The following PLCG1 variants were observed in gnomAD, a reference collection of about 807,000 sequenced individuals.
PLCG1 encodes the protein phospholipase C gamma 1.
In PLCG1, 71 loss-of-function variants were observed where a neutral mutation model predicts 177.8. The observed-to-expected ratio is 0.40, with a 90% CI of 0.33 to 0.49. PLCG1 has a LOEUF of 0.49. Among genes scored for constraint, PLCG1 ranks in the 20% least tolerant of loss-of-function variants. The pLI is 0.72. For synonymous variants in PLCG1, 658 were observed against 647.9 expected (o/e 1.02, Z -0.24); for missense variants, 1,281 against 1,709.0 (o/e 0.75, Z 4.42).
In PLCG1 at chr20:41,144,266, A is replaced by G. The variant is rs1222747318; in HGVS notation, c.217+6408A>G. Among the ~76,000 whole-genome samples, 1 of 152,212 alleles carries G rather than the reference A, an allele frequency of 6.6e-6. No individual in the cohort carries two copies. The highest frequency in any genetic ancestry group is 2.4e-5 in the African/African-American group (1 of 41,464). On this transcript the variant is annotated intron_variant, in intron 1 of 31. Coordinates refer to ENST00000685551, the MANE Select transcript of PLCG1 (RefSeq NM_002660.3). This position sits in a 1 kb window ranked among gnomAD's most constrained non-coding sequence, Gnocchi z 4.1. ...GATCCTAGGATTTCAGATTCCTGCT[A>G]TAGTATTCAGTTTATTCTCCCATTC...
At chr20:41,168,519 A>G (rs898619245) in intron 20 of PLCG1, among the ~76,000 whole-genome samples, 2 of 152,182 alleles carry the variant, frequency 1.3e-5, no homozygotes, top group African/African-American at 4.8e-5. Context: ...GTGGGGCTTA[A>G]GGTTCCACCT....
At position 41,148,488 on chromosome 20, in the gene PLCG1, G is replaced by A. The variant is rs2035064645; in HGVS notation, c.217+10630G>A. ...GAGAGGGCTCTGCAGAGACAGGGCA[G>A]CAGAGAGAGACTTGGAGATATGCTG... On this transcript the variant is annotated intron_variant, in intron 1 of 31. Coordinates refer to ENST00000685551, the MANE Select transcript of PLCG1 (RefSeq NM_002660.3). This position sits in a 1 kb window ranked among gnomAD's most constrained non-coding sequence, Gnocchi z 4.3. Among the ~76,000 whole-genome samples, 2 of 152,132 alleles carry A rather than the reference G, an allele frequency of 1.3e-5. No homozygotes were observed. The highest frequency in any genetic ancestry group is 4.8e-5 in the African/African-American group (2 of 41,416).
rs1461856096 is a variant in PLCG1 at position 41,150,457 on chromosome 20, C to T, written c.218-9149C>T. 1.3e-5 allele frequency among the ~76,000 whole-genome samples: 2 copies of T among 152,164 alleles called. No individual in the cohort carries two copies. The highest frequency in any genetic ancestry group is 2.9e-5 in the Non-Finnish European group (2 of 68,010). On this transcript the variant is annotated intron_variant, in intron 1 of 31. Coordinates refer to ENST00000685551, the MANE Select transcript of PLCG1 (RefSeq NM_002660.3). The surrounding 1 kb of genome is among the most constrained non-coding windows in gnomAD (Gnocchi z 4.0). ...CCCTGGTGGGTCCCCAGTCTCTCTC[C>T]TGTAGCTAGGAGCCTGGCATACACA...
In PLCG1 at chr20:41,164,756, C is replaced by T. The variant is rs2035625144; in HGVS notation, c.1218-177C>T. On this transcript the variant is annotated intron_variant, in intron 12 of 31. Transcript: ENST00000685551. The surrounding 1 kb of genome is among the most constrained non-coding windows in gnomAD (Gnocchi z 6.4). ...GCCACCCTTTGGTTTCCACTGCTGC[C>T]ACAGCTGTAGAACCCCTCTCTGCCC... Among the ~76,000 whole-genome samples, 1 of 152,168 alleles carries T rather than the reference C, an allele frequency of 6.6e-6. No individual in the cohort carries two copies. Among genetic ancestry groups the T allele is most frequent in the African/African-American group, 2.4e-5 (1 of 41,426 alleles).
rs1278742202 is a variant in PLCG1 at position 41,163,793 on chromosome 20, A to G, written c.970A>G (p.Asn324Asp). ...TGCAGTATGCCCGGACACCATGAAC[A>G]ACCCTCTTTCCCACTACTGGATCTC... ...LDAVCPDTMNNPLSHYWISSS... is the reference protein window; with the variant it reads ...LDAVCPDTMNDPLSHYWISSS... The change falls in exon 10 of 32, where the codon AAC (asparagine) becomes GAC (aspartate). Residue 324 changes from asparagine to aspartate, a missense_variant. By Grantham distance (23) the Asn-to-Asp change is conservative. This residue lies in a region of PLCG1 where 374 missense variants were observed against 443.8 expected (regional missense o/e 0.84). Coordinates refer to ENST00000685551, the MANE Select transcript of PLCG1 (RefSeq NM_002660.3). This position sits in a 1 kb window ranked among gnomAD's most constrained non-coding sequence, Gnocchi z 5.2. 1 of 1,613,880 alleles carries G rather than the reference A, an allele frequency of 6.2e-7. No homozygotes were observed. Among genetic ancestry groups the G allele is most frequent in the South Asian group, 1.1e-5 (1 of 91,078 alleles).
At position 41,175,159 on chromosome 20, in the gene PLCG1, C is replaced by T. The variant is rs949650252; in HGVS notation, c.*650C>T. 2 of 152,814 alleles carry T rather than the reference C, an allele frequency of 1.3e-5. No individual in the cohort carries two copies. The highest frequency in any genetic ancestry group is 2.9e-5 in the Non-Finnish European group (2 of 68,208). 9.5% of individuals were successfully genotyped at this position (152,814 alleles called of 1,614,324 possible). A position where few individuals can be genotyped will look rare whatever the true frequency, so the allele number is the denominator to read the frequency against. ...TAAAAATAGCAGTATTATTTTTCGT[C>T]TCAATGGTATTGTAACTAAGTTATT... is the stretch of plus-strand genomic sequence containing the variant. On this transcript the variant is annotated 3_prime_UTR_variant, in exon 32 of 32. Coordinates refer to ENST00000685551, the MANE Select transcript of PLCG1 (RefSeq NM_002660.3).
Position 41,165,033 on chromosome 20 carries a change from A to G in PLCG1, c.1318A>G (p.Lys440Glu). Residue 440 changes from lysine (K) to glutamate (E), a missense_variant, in exon 13 of 32, where the codon AAG becomes GAG. Physicochemically the swap from Lys to Glu is moderately conservative, Grantham distance 56 (BLOSUM62 1). Coordinates refer to ENST00000685551, the MANE Select transcript of PLCG1 (RefSeq NM_002660.3). The surrounding 1 kb of genome is among the most constrained non-coding windows in gnomAD (Gnocchi z 6.6). ...GGTGCTGGGGGACACACTCCTCACCAAGCCCGTGGAGATCTCTGCCGACGG... is the reference window on the plus strand; with the variant it reads ...GGTGCTGGGGGACACACTCCTCACCGAGCCCGTGGAGATCTCTGCCGACGG... ...KKVLGDTLLT[K>E]PVEISADGLP... 1 of 1,614,156 alleles carries G rather than the reference A, an allele frequency of 6.2e-7. No homozygotes were observed. The highest frequency in any genetic ancestry group is 2.2e-5 in the East Asian group (1 of 44,884).
At chr20:41,169,399 C>G in intron 22 of PLCG1, 58 bp from the exon 23 acceptor site, 1 of 1,302,788 alleles carries the variant, frequency 7.7e-7, no homozygotes, top group Non-Finnish European at 1.1e-6. Flanking sequence ...ACACGGATAT[C>G]CCCTCACACA....
In PLCG1 at chr20:41,164,326, T is replaced by G. The variant is rs2035611103; in HGVS notation, c.1217+125T>G. On this transcript the variant is annotated intron_variant, in intron 12 of 31. Coordinates refer to ENST00000685551, the MANE Select transcript of PLCG1 (RefSeq NM_002660.3). The surrounding 1 kb of genome is among the most constrained non-coding windows in gnomAD (Gnocchi z 6.4). ...CTCCCTCAGCCTTTCATCTTTGTCC[T>G]TCCTCTTGGCCTCTCCTCGTCACCT... 2.0e-6 allele frequency: 2 copies of G among 982,020 alleles called. No individual in the cohort carries two copies. Among genetic ancestry groups the G allele is most frequent in the Non-Finnish European group, 3.1e-6 (2 of 650,794 alleles). The allele number at this position is 982,020 out of a possible 1,614,324, so 60.8% of individuals were successfully genotyped here.
intron 1 of PLCG1, among the ~76,000 whole-genome samples, chr20:41,149,803 A>G (rs917510660): frequency 2.0e-5 from 3 of 152,210 alleles, no homozygotes; most frequent in Non-Finnish European, 2.9e-5. Flanking sequence ...AAACCAGGCA[A>G]GGTTGTGCAG....
Position 41,173,867 on chromosome 20 carries a change from C to G in PLCG1, c.3556+54C>G. The G allele has an allele frequency of 6.2e-7, 1 of 1,610,518 alleles. No homozygotes were observed. ...CTGCAATCTTGCTGGCAGGGTGGGG[C>G]TGGGCCCCTTGCTCTGTCCCTCGTG... On this transcript the variant is annotated intron_variant, in intron 29 of 31. Transcript: ENST00000685551. The surrounding 1 kb of genome is among the most constrained non-coding windows in gnomAD (Gnocchi z 6.2).
intron 1 of PLCG1, among the ~76,000 whole-genome samples, chr20:41,154,473 G>A (rs926702851): frequency 3.3e-5 from 5 of 152,214 alleles, no homozygotes; most frequent in African/African-American, 1.2e-4. Flanking sequence ...CTTCCCTAGG[G>A]TTCCTGCTGT....
At position 41,176,146 on chromosome 20, in the gene PLCG1, CTT is replaced by C. The variant is rs1360524301; in HGVS notation, c.*1638_*1639del. ...TTCAACACAGTTGAAAGGCCCTTCT[CTT>C]CCTGAAGCTCTGTTTCCATAGTTGG... On this transcript the variant is annotated 3_prime_UTR_variant, in exon 32 of 32. Transcript: ENST00000685551. 6.6e-6 allele frequency: 1 copy of C among 152,212 alleles called. No homozygotes were observed. The highest frequency in any genetic ancestry group is 2.4e-5 in the African/African-American group (1 of 41,444). The allele number at this position is 152,212 out of a possible 1,614,324, so 9.4% of individuals were successfully genotyped here.
At position 41,156,734 on chromosome 20, in the gene PLCG1, C is replaced by T. The variant is rs1364941956; in HGVS notation, c.218-2872C>T. 6.6e-6 allele frequency among the ~76,000 whole-genome samples: 1 copy of T among 152,168 alleles called. No individual in the cohort carries two copies. Among genetic ancestry groups the T allele is most frequent in the Non-Finnish European group, 1.5e-5 (1 of 68,028 alleles). On this transcript the variant is annotated intron_variant, in intron 1 of 31. Coordinates refer to ENST00000685551, the MANE Select transcript of PLCG1 (RefSeq NM_002660.3). This position sits in a 1 kb window ranked among gnomAD's most constrained non-coding sequence, Gnocchi z 5.0. ...TAAGTAGTTCTCCCCTTCTCAAGCT[C>T]CTAAGTTCTGGGAAGGTCTCTTTTC...
rs2035990015 is a variant in PLCG1, at chr20:41,174,176, G to A, written c.3698G>A (p.Gly1233Asp). The change falls in exon 31 of 32, where the codon GGC (glycine) becomes GAC (aspartate). Residue 1233 changes from glycine to aspartate, a missense_variant. Coordinates refer to ENST00000685551, the MANE Select transcript of PLCG1 (RefSeq NM_002660.3). The surrounding 1 kb of genome is among the most constrained non-coding windows in gnomAD (Gnocchi z 5.8). ...PFSGTSLRER[G>D]SDASGQLFHG... ...AGTGGTACGTCCCTGCGGGAGCGGG[G>A]CTCAGATGCCTCAGGCCAGCTGTTT... 3 of 1,614,134 alleles carry A rather than the reference G, an allele frequency of 1.9e-6. No individual in the cohort carries two copies. Among genetic ancestry groups the A allele is most frequent in the Non-Finnish European group, 2.5e-6 (3 of 1,180,016 alleles).
chr20:41,153,266 GGTTTTGTGTTTTT>G lies in PLCG1; in HGVS notation c.218-6326_218-6314del, dbSNP rs998232477. On this transcript the variant is annotated intron_variant, in intron 1 of 31. Transcript: ENST00000685551. The surrounding 1 kb of genome is among the most constrained non-coding windows in gnomAD (Gnocchi z 5.1). ...TACATCAATTAGCTTACACACTTTG[GGTTTTGTGTTTTT>G]GTTTTGTGTTTTTAGAGAAAGGATC... Among the ~76,000 whole-genome samples the G allele has an allele frequency of 2.0e-5, 3 of 152,058 alleles. No individual in the cohort carries two copies. The highest frequency in any genetic ancestry group is 4.4e-5 in the Non-Finnish European group (3 of 68,002).
chr20:41,166,373 C>G lies in PLCG1; in HGVS notation c.1979C>G (p.Thr660Ser). 1 of 1,614,108 alleles carries G rather than the reference C, an allele frequency of 6.2e-7. No homozygotes were observed. The highest frequency in any genetic ancestry group is 8.5e-7 in the Non-Finnish European group (1 of 1,180,046). The change falls in exon 17 of 32, where the codon ACC (threonine) becomes AGC (serine). Residue 660 changes from threonine to serine, a missense_variant. Transcript: ENST00000685551. This position sits in a 1 kb window ranked among gnomAD's most constrained non-coding sequence, Gnocchi z 8.6. ...EMRLSEPVPQ[T>S]NAHESKEWYH... is the part of the protein sequence containing the mutation. ...CGACTTTCAGAGCCTGTCCCACAGACCAACGCCCACGAGAGCAAAGAGTGA... is the reference window on the plus strand; with the variant it reads ...CGACTTTCAGAGCCTGTCCCACAGAGCAACGCCCACGAGAGCAAAGAGTGA...
rs1259511566 is a variant in PLCG1 at position 41,147,876 on chromosome 20, G to A, written c.217+10018G>A. ...AAAAAAAAAAAAAAATTTAAGCTGG[G>A]CTTTCTGGGCAGGCAGTGAGTGAAT... On this transcript the variant is annotated intron_variant, in intron 1 of 31. Transcript: ENST00000685551. The surrounding 1 kb of genome is among the most constrained non-coding windows in gnomAD (Gnocchi z 4.0). 6.6e-6 allele frequency among the ~76,000 whole-genome samples: 1 copy of A among 151,968 alleles called. No individual in the cohort carries two copies. The highest frequency in any genetic ancestry group is 1.5e-5 in the Non-Finnish European group (1 of 68,006).
chr20:41,152,016 T>C (rs963291090), intron 1 of PLCG1, among the ~76,000 whole-genome samples: 1 of 152,170 alleles, frequency 6.6e-6, no homozygotes, highest in Non-Finnish European at 1.5e-5. Flanking sequence ...CAGATGATAC[T>C]CACTTCTGCT....
Sources: allele counts gnomAD v4.1 joint callset (sites outside exome capture counted in the v4.1 genomes callset), GRCh38; gene constraint gnomAD v4.1.1; regional missense constraint gnomAD v4.1.1; non-coding constraint Gnocchi (gnomAD v3.1); transcripts MANE v1.5; gene names NCBI Gene and HGNC (gene_info 2026-07-23, HGNC 2026-07-21).